Variants in PKP4 observed in about 807,000 individuals in gnomAD.
The protein encoded by PKP4 is plakophilin 4.
In PKP4, 90 loss-of-function variants were observed where a neutral mutation model predicts 145.1. That is an observed-to-expected ratio of 0.62 (90% CI 0.52 to 0.74). The LOEUF is 0.74. Among genes scored for constraint, PKP4 ranks in the 30% least tolerant of loss-of-function variants. PKP4 has a pLI of 0.00. For synonymous variants in PKP4, 563 were observed against 577.2 expected (o/e 0.98, Z 0.35); for missense variants, 1,340 against 1,482.7 (o/e 0.90, Z 1.58).
chr2:158,629,524 C>T lies in PKP4; in HGVS notation c.1154-2229C>T, dbSNP rs528766913. On this transcript the variant is annotated intron_variant, in intron 7 of 21. Coordinates refer to ENST00000389759, the MANE Select transcript of PKP4 (RefSeq NM_003628.6). ...GAGGGGAGCCAGTAGCTAAAACCCA[C>T]ATTGATTCGTTTAGTTTCTTTCCAT... Among the ~76,000 whole-genome samples the T allele has an allele frequency of 7.2e-5, 11 of 152,288 alleles. No individual in the cohort carries two copies. The East Asian group carries it at 2.1e-3, about 29-fold the overall frequency.
intron 1 of PKP4, among the ~76,000 whole-genome samples, chr2:158,501,528 C>T (rs1173768492): frequency 1.3e-5 from 2 of 152,224 alleles, no homozygotes; most frequent in African/African-American, 4.8e-5. Flanking sequence ...CAGCTGCCTG[C>T]ATGCCCTGCT....
At chr2:158,575,597 G>C (rs1420339796) in intron 2 of PKP4, among the ~76,000 whole-genome samples, 2 of 152,088 alleles carry the variant, frequency 1.3e-5, no homozygotes, top group African/African-American at 2.4e-5. Context: ...ATCCCAAAAT[G>C]AGGACAGTAC....
intron 21 of PKP4, 72 bp from the exon 22 acceptor site, chr2:158,680,357 A>T (rs1037243032): frequency 9.0e-7 from 1 of 1,112,848 alleles, no homozygotes; most frequent in Non-Finnish European, 1.3e-6. Context: ...CAGGAAGCCC[A>T]CATTAATTTT....
chr2:158,657,521 A>G (rs923006754), intron 11 of PKP4, among the ~76,000 whole-genome samples: 5 of 152,244 alleles, frequency 3.3e-5, no homozygotes, highest in African/African-American at 1.2e-4. Context: ...AAATTGAGAT[A>G]GAAGTGTTTA....
intron 4 of PKP4, among the ~76,000 whole-genome samples, chr2:158,613,377 AC>A (rs2051309746): frequency 1.3e-5 from 2 of 152,216 alleles, no homozygotes; most frequent in South Asian, 2.1e-4. Context: ...AGAAAGAATA[AC>A]AAAATTAGAA....
intron 2 of PKP4, among the ~76,000 whole-genome samples, chr2:158,541,112 T>A (rs992104005): frequency 2.0e-5 from 3 of 152,160 alleles, no homozygotes; most frequent in Non-Finnish European, 4.4e-5. Context: ...TTAGAATCAC[T>A]TCTGGAGAGA....
At chr2:158,474,109 T>C (rs1211874131) in intron 1 of PKP4, among the ~76,000 whole-genome samples, 1 of 150,778 alleles carries the variant, frequency 6.6e-6, no homozygotes, top group Non-Finnish European at 1.5e-5. Flanking sequence ...GTTTTACTTC[T>C]TTCATCCTCA....
chr2:158,522,271 T>C (rs145473128), intron 1 of PKP4, among the ~76,000 whole-genome samples: 1 of 152,178 alleles, frequency 6.6e-6, no homozygotes, highest in African/African-American at 2.4e-5. Flanking sequence ...TGTGGACTAT[T>C]ATCAGCTCTG....
At chr2:158,506,638 A>G (rs775994307) in intron 1 of PKP4, among the ~76,000 whole-genome samples, 56 of 152,212 alleles carry the variant, frequency 3.7e-4, no homozygotes, top group Non-Finnish European at 2.4e-4. Flanking sequence ...TATTTTTGAA[A>G]TCTGATCAAG....
At chr2:158,493,749 G>A (rs1442320838) in intron 1 of PKP4, among the ~76,000 whole-genome samples, 1 of 152,190 alleles carries the variant, frequency 6.6e-6, no homozygotes, top group African/African-American at 2.4e-5. Flanking sequence ...TCTGTTTTGT[G>A]AGTGCTGCTC....
chr2:158,612,262 C>T (rs542358525), intron 4 of PKP4, among the ~76,000 whole-genome samples: 8 of 152,266 alleles, frequency 5.3e-5, no homozygotes, highest in South Asian at 2.1e-4. Context: ...ATACACTCTA[C>T]GTTATTCTGT....
chr2:158,460,692 A>T (rs1019648465), intron 1 of PKP4, among the ~76,000 whole-genome samples: 1 of 152,224 alleles, frequency 6.6e-6, no homozygotes, highest in African/African-American at 2.4e-5. Flanking sequence ...CTTCATTCTT[A>T]AATGGAAGGT....
In PKP4 at chr2:158,608,012, A is replaced by C. The variant is rs187398289; in HGVS notation, c.280+4908A>C. On this transcript the variant is annotated intron_variant, in intron 4 of 21. Coordinates refer to ENST00000389759, the MANE Select transcript of PKP4 (RefSeq NM_003628.6). ...TATTTGATAGCATAACAGGGTGACTATAGTCAATAATTTAATTGTACATTT... is the reference window on the plus strand; with the variant it reads ...TATTTGATAGCATAACAGGGTGACTCTAGTCAATAATTTAATTGTACATTT... 3.4e-3 allele frequency among the ~76,000 whole-genome samples: 524 copies of C among 152,358 alleles called. 13 individuals are homozygous for C. Among genetic ancestry groups the C allele is most frequent in the Admixed American group, 0.032 (482 of 15,298 alleles).
intron 1 of PKP4, among the ~76,000 whole-genome samples, chr2:158,479,258 G>T (rs1340249999): frequency 6.6e-6 from 1 of 151,360 alleles, no homozygotes; most frequent in African/African-American, 2.4e-5. Context: ...TTGATACAGG[G>T]TCTCCCTCAG....
At chr2:158,631,365 A>G (rs1276898504) in intron 7 of PKP4, among the ~76,000 whole-genome samples, 1 of 151,966 alleles carries the variant, frequency 6.6e-6, no homozygotes, top group Non-Finnish European at 1.5e-5. Flanking sequence ...TTTTCTTAGT[A>G]TATATCTATG....
At chr2:158,594,445 AGTTAGGCACCT>A (rs1415378940) in intron 3 of PKP4, among the ~76,000 whole-genome samples, 1 of 152,176 alleles carries the variant, frequency 6.6e-6, no homozygotes, top group Admixed American at 6.5e-5. Context: ...ACTAAACTAC[AGTTAGGCACCT>A]GTTGTCACAT....
At chr2:158,564,898 T>C (rs2046846958) in intron 2 of PKP4, among the ~76,000 whole-genome samples, 2 of 152,212 alleles carry the variant, frequency 1.3e-5, no homozygotes, top group East Asian at 1.9e-4. Context: ...TTAATTCTTA[T>C]TAAATTGCAG....
At chr2:158,615,837 C>T (rs894318846) in intron 4 of PKP4, among the ~76,000 whole-genome samples, 1 of 152,048 alleles carries the variant, frequency 6.6e-6, no homozygotes, top group African/African-American at 2.4e-5. Flanking sequence ...TTCCATTTTC[C>T]GAGGCCTTTT....
rs751926117 is a variant in PKP4 at position 158,625,109 on chromosome 2, C to A, written c.835C>A (p.Pro279Thr). The change falls in exon 7 of 22, where the codon CCC (proline) becomes ACC (threonine). Residue 279 changes from proline to threonine, a missense_variant. Coordinates refer to ENST00000389759, the MANE Select transcript of PKP4 (RefSeq NM_003628.6). ...GGCAGCCTCTCCGTACTCACAGAGA[C>A]CCGCCTCCCCAACAGCTATACGGCG... ...ARAASPYSQR[P>T]ASPTAIRRIG... 1.9e-6 allele frequency: 3 copies of A among 1,614,176 alleles called. No individual in the cohort carries two copies. Among genetic ancestry groups the A allele is most frequent in the Non-Finnish European group, 2.5e-6 (3 of 1,180,018 alleles).
Sources: allele counts gnomAD v4.1 joint callset (sites outside exome capture counted in the v4.1 genomes callset), GRCh38; gene constraint gnomAD v4.1.1; transcripts MANE v1.5; gene names NCBI Gene and HGNC (gene_info 2026-07-23, HGNC 2026-07-21).